The following IPO7 variants were observed in gnomAD, a reference collection of about 807,000 sequenced individuals.
The protein encoded by IPO7 is importin 7, also known as importin-7.
A neutral mutation model predicts 136.4 loss-of-function variants in IPO7; 13 were observed. The observed-to-expected ratio is 0.10, with a 90% CI of 0.06 to 0.15. The LOEUF (loss-of-function observed/expected upper bound fraction) is 0.15, where lower values mean the gene tolerates loss of function less well. Ranked by LOEUF, IPO7 falls within the 10% of genes least tolerant of loss-of-function variation. IPO7 has a pLI of 1.00. For synonymous variants in IPO7, 403 were observed against 404.4 expected, an observed-to-expected ratio of 1.00 and a Z score of 0.04; for missense variants, 857 against 1,240.6, an observed-to-expected ratio of 0.69 and a Z score of 4.65.
chr11:9,415,512 C>T (rs1855027878), intron 5 of IPO7, among the ~76,000 whole-genome samples: 1 of 152,008 alleles, frequency 6.6e-6, no homozygotes, highest in Non-Finnish European at 1.5e-5. Context: ...TCTGTATGTT[C>T]TAAATTTTTC....
intron 4 of IPO7, among the ~76,000 whole-genome samples, chr11:9,411,009 T>C (rs1854961255): frequency 6.6e-6 from 1 of 152,328 alleles, no homozygotes; most frequent in East Asian, 1.9e-4. Context: ...ATTTACAGCA[T>C]TGGTACTGGT....
intron 1 of IPO7, among the ~76,000 whole-genome samples, chr11:9,397,341 A>AAAAAAAAAAAAAAAAAAAATATATATAT: frequency 1.9e-4 from 2 of 10,762 alleles, no homozygotes; most frequent in African/African-American, 2.5e-4. Context: ...TTTAAAAAAA[A>AAAAAAAAAAAAAAAAAAAATATATATAT]ATATATATAT....
intron 2 of IPO7, among the ~76,000 whole-genome samples, chr11:9,407,186 T>C (rs1283752682): frequency 6.6e-6 from 1 of 152,238 alleles, no homozygotes; most frequent in Non-Finnish European, 1.5e-5. Flanking sequence ...GTCTCTATTC[T>C]GTTTTGGAGA....
At chr11:9,419,545 TAAA>T (rs1178586532) in intron 6 of IPO7, among the ~76,000 whole-genome samples, 2 of 91,738 alleles carry the variant, frequency 2.2e-5, no homozygotes, top group Non-Finnish European at 2.1e-5. Context: ...AGACTCTGTC[TAAA>T]AAAAAAAAAA....
At position 9,405,659 on chromosome 11, in the gene IPO7, G is replaced by A. The variant is rs1009719250; in HGVS notation, c.166+2288G>A. 2.0e-5 allele frequency among the ~76,000 whole-genome samples: 3 copies of A among 152,094 alleles called. No individual in the cohort carries two copies. The South Asian group carries it at 6.2e-4, about 32-fold the overall frequency. ...GCTGGTCTCAAGCTTGTGAGCTCAA[G>A]TGATCTGCCTTCCTGGGCCTTCCAA... is the stretch of plus-strand genomic sequence containing the variant. On this transcript the variant is annotated intron_variant, in intron 2 of 24. Coordinates refer to ENST00000379719, the MANE Select transcript of IPO7 (RefSeq NM_006391.3).
chr11:9,438,049 T>C, intron 21 of IPO7, 31 bp from the exon 22 acceptor site: 1 of 357,950 alleles, frequency 2.8e-6, no homozygotes, highest in Non-Finnish European at 4.0e-6. Context: ...AAAACAGTTT[T>C]TTTTTTTTTT....
chr11:9,406,912 T>A (rs1854896612), intron 2 of IPO7, among the ~76,000 whole-genome samples: 3 of 152,070 alleles, frequency 2.0e-5, no homozygotes, highest in African/African-American at 7.2e-5. Flanking sequence ...AATAATTGAA[T>A]GAGATTTCTG....
intron 5 of IPO7, among the ~76,000 whole-genome samples, chr11:9,415,763 A>T (rs377214803): frequency 6.6e-6 from 1 of 151,634 alleles, no homozygotes; most frequent in African/African-American, 2.4e-5. Context: ...GTGTGAACCC[A>T]GGAGGCAGAG....
At chr11:9,392,794 C>A (rs994268800) in intron 1 of IPO7, among the ~76,000 whole-genome samples, 1 of 151,686 alleles carries the variant, frequency 6.6e-6, no homozygotes, top group South Asian at 2.1e-4. Flanking sequence ...ACTAAAAATA[C>A]AAAAATTAGC....
intron 8 of IPO7, among the ~76,000 whole-genome samples, chr11:9,422,294 T>A (rs1268038445): frequency 6.6e-6 from 1 of 151,756 alleles, no homozygotes; most frequent in Non-Finnish European, 1.5e-5. Flanking sequence ...AATAAATAAA[T>A]AAAAATACTG....
rs1392741459 is a variant in IPO7, at chr11:9,446,922, CTG to C, written c.*1730_*1731del. 1 of 152,044 alleles carries C rather than the reference CTG, an allele frequency of 6.6e-6. No homozygotes were observed. Among genetic ancestry groups the C allele is most frequent in the African/African-American group, 2.4e-5 (1 of 41,406 alleles). The allele number at this position is 152,044 out of a possible 1,614,324, so 9.4% of individuals were successfully genotyped here. A position where few individuals can be genotyped will look rare whatever the true frequency, so the allele number is the denominator to read the frequency against. ...ATTGTCTAACGTGTGTGGGTGAAAA[CTG>C]TTAATCAAGTGTTTCTACTCCCCCC... On this transcript the variant is annotated 3_prime_UTR_variant, in exon 25 of 25. Coordinates refer to ENST00000379719, the MANE Select transcript of IPO7 (RefSeq NM_006391.3).
chr11:9,397,332 T>TAAAAA (rs757736784), intron 1 of IPO7, among the ~76,000 whole-genome samples: 285 of 12,012 alleles, frequency 0.024, 71 homozygotes, highest in Middle Eastern at 0.25. Flanking sequence ...TAAAAATAAT[T>TAAAAA]TAAAAAAAAA....
At position 9,445,280 on chromosome 11, in the gene IPO7, T is replaced by C; in HGVS notation, c.*86T>C. The C allele has an allele frequency of 1.3e-6, 1 of 746,546 alleles. No homozygotes were observed. Among genetic ancestry groups the C allele is most frequent in the Non-Finnish European group, 2.3e-6 (1 of 436,788 alleles). 46.2% of individuals were successfully genotyped at this position (746,546 alleles called of 1,614,324 possible). A position where few individuals can be genotyped will look rare whatever the true frequency, so the allele number is the denominator to read the frequency against. Reference sequence around the variant, plus strand: ...GGTTCCAGAACTGGTTCATGTTATCTATTCTAAACTAATAATCAATAGATG... The same window carrying C: ...GGTTCCAGAACTGGTTCATGTTATCCATTCTAAACTAATAATCAATAGATG... On this transcript the variant is annotated 3_prime_UTR_variant, in exon 25 of 25. Transcript: ENST00000379719.
At chr11:9,426,802 G>A (rs1203129919) in intron 12 of IPO7, among the ~76,000 whole-genome samples, 1 of 151,974 alleles carries the variant, frequency 6.6e-6, no homozygotes, top group Non-Finnish European at 1.5e-5. Context: ...CTGTCACCCA[G>A]GCTGGAGTGC....
chr11:9,418,263 G>T (rs1257119540), intron 6 of IPO7, among the ~76,000 whole-genome samples: 1 of 151,178 alleles, frequency 6.6e-6, no homozygotes, highest in African/African-American at 2.4e-5. Context: ...TAGAGACAGG[G>T]TTTCACCATC....
At chr11:9,440,751 T>G in intron 23 of IPO7, 90 bp downstream of exon 23, 1 of 1,051,790 alleles carries the variant, frequency 9.5e-7, no homozygotes, top group Non-Finnish European at 1.5e-6. Flanking sequence ...TTGGAGGATA[T>G]CAAACCCAGA....
intron 1 of IPO7, among the ~76,000 whole-genome samples, chr11:9,391,282 C>T (rs1017607347): frequency 6.6e-6 from 1 of 151,858 alleles, no homozygotes. Context: ...GCCTGTAATC[C>T]CAGCTACTTG....
intron 9 of IPO7, 146 bp from the exon 10 acceptor site, chr11:9,423,631 C>G (rs1333848348): frequency 1.8e-6 from 1 of 568,366 alleles, no homozygotes; most frequent in Non-Finnish European, 3.1e-6. Flanking sequence ...GATAGTTGAT[C>G]TTAGAACACA....
chr11:9,425,163 G>T lies in IPO7; in HGVS notation c.1236G>T (p.Met412Ile). Residue 412 changes from methionine to isoleucine, a missense_variant, in exon 12 of 25, where the codon ATG (methionine) becomes ATT (isoleucine). Physicochemically the swap from Met to Ile is conservative, Grantham distance 10. Transcript: ENST00000379719. The part of the protein sequence containing the change: ...SKRKEVLQKT[M>I]GFCYQILTEP... ...TAATCTAGGTACTGCAAAAGACTAT[G>T]GGATTTTGTTACCAGATTCTTACAG... The T allele has an allele frequency of 6.2e-7, 1 of 1,608,224 alleles. No homozygotes were observed.
Sources: allele counts gnomAD v4.1 joint callset (sites outside exome capture counted in the v4.1 genomes callset), GRCh38; gene constraint gnomAD v4.1.1; transcripts MANE v1.5; gene names NCBI Gene and HGNC (gene_info 2026-07-23, HGNC 2026-07-21).